GKN2: variants seen among roughly 807,000 people sequenced by gnomAD.
GKN2 encodes the protein gastrokine-2.
A neutral mutation model predicts 22.7 loss-of-function variants in GKN2; 17 were observed. The ratio of observed to expected loss-of-function variants is 0.75; its 90% CI spans 0.51 to 1.13. GKN2 has a LOEUF of 1.13. GKN2 is among the 50% of genes most tolerant of loss of function. The pLI is 0.00. For missense variants in GKN2, 248 were observed against 221.4 expected (o/e 1.12, Z -0.76); for synonymous variants, 82 against 79.6 (o/e 1.03, Z -0.16).
intron 3 of GKN2, among the ~76,000 whole-genome samples, chr2:68,947,928 G>T (rs114494622): frequency 0.011 from 1,725 of 152,110 alleles, 24 homozygotes; most frequent in Non-Finnish European, 0.019. Context: ...CCCCAGTTTG[G>T]GGTAAATAGA....
intron 5 of GKN2, chr2:68,945,871 G>A (rs13426171): frequency 0.077 from 17,448 of 226,634 alleles, 2,134 homozygotes; most frequent in African/African-American, 0.3. Flanking sequence ...CTGTAAGTCC[G>A]CTTGGCCTCC....
intron 2 of GKN2, 57 bp downstream of exon 2, chr2:68,950,645 C>A: frequency 6.7e-7 from 1 of 1,495,932 alleles, no homozygotes; most frequent in South Asian, 1.1e-5. Flanking sequence ...TCTCTTGTAC[C>A]TTCCCTTTCC....
At chr2:68,945,870 C>T (rs77405088) in intron 5 of GKN2, 8,299 of 226,262 alleles carry the variant, frequency 0.037, 532 homozygotes, top group South Asian at 0.22. Flanking sequence ...TCTGTAAGTC[C>T]GCTTGGCCTC....
chr2:68,945,281 G>T lies in GKN2; in HGVS notation c.*87C>A. 1.1e-6 allele frequency: 1 copy of T among 893,930 alleles called. No individual in the cohort carries two copies. Among genetic ancestry groups the T allele is most frequent in the South Asian group, 2.0e-5 (1 of 49,114 alleles). The allele number at this position is 893,930 out of a possible 1,614,324, so 55.4% of individuals were successfully genotyped here. A position where few individuals can be genotyped will look rare whatever the true frequency, so the allele number is the denominator to read the frequency against. ...TCTGACTGAATCTCAAAATTAGTTG[G>T]GGCATTGGGAAAGAATTTAATTTGA... On this transcript the variant is annotated 3_prime_UTR_variant, in exon 6 of 6. Transcript: ENST00000328895.
chr2:68,950,724 C>G lies in GKN2; in HGVS notation c.44G>C (p.Gly15Ala). ...VAFLVVLTIF[G>A]IQSHGYEVFN... ...CACCTCGTATCCATGAGATTGTATC[C>G]CAAAGATGGTCAGCACCACCAGAAA... The change falls in exon 2 of 6, where the codon GGG (glycine) becomes GCG (alanine). Residue 15 changes from glycine (G) to alanine (A), a missense_variant. Physicochemically the swap from Gly to Ala is moderately conservative, Grantham distance 60. Transcript: ENST00000328895. 1 of 1,614,056 alleles carries G rather than the reference C, an allele frequency of 6.2e-7. No homozygotes were observed. The highest frequency in any genetic ancestry group is 8.5e-7 in the Non-Finnish European group (1 of 1,179,978).
chr2:68,945,577 T>G (rs981331954), intron 5 of GKN2, 127 bp from the exon 6 acceptor site: 4 of 654,512 alleles, frequency 6.1e-6, no homozygotes, highest in Non-Finnish European at 1.1e-5. Flanking sequence ...TCAATCCCAG[T>G]GATATTATGC....
chr2:68,951,120 A>G (rs1032338947), intron 1 of GKN2, among the ~76,000 whole-genome samples: 3 of 152,200 alleles, frequency 2.0e-5, no homozygotes, highest in Admixed American at 1.3e-4. Context: ...CTAGCTTTGG[A>G]TAACAGTGGT....
chr2:68,952,867 C>G lies in GKN2; in HGVS notation c.-6G>C. On this transcript the variant is annotated 5_prime_UTR_variant, in exon 1 of 6. Transcript: ENST00000328895. ...ATACTCACAAGTATTTTCATTTTGC[C>G]TGGGAGAGGAAGGTGCTGGAGTAAG... 6.2e-7 allele frequency: 1 copy of G among 1,613,944 alleles called. No homozygotes were observed. Among genetic ancestry groups the G allele is most frequent in the East Asian group, 2.2e-5 (1 of 44,866 alleles).
rs924308605 is a variant in GKN2, at chr2:68,945,464, A to C, written c.473-14T>G. The C allele has an allele frequency of 6.3e-7, 1 of 1,579,312 alleles. No homozygotes were observed. Among genetic ancestry groups the C allele is most frequent in the Non-Finnish European group, 8.7e-7 (1 of 1,153,314 alleles). On this transcript the variant is annotated splice_polypyrimidine_tract_variant and intron_variant, in intron 5 of 5. Transcript: ENST00000328895. Reference sequence around the variant, plus strand: ...CACCGACATTATCTGGAAAAGGGAAAATTTTTCAGAGAAAGAGCATTAAAA... The same window carrying C: ...CACCGACATTATCTGGAAAAGGGAACATTTTTCAGAGAAAGAGCATTAAAA...
chr2:68,951,814 C>T (rs928579666), intron 1 of GKN2, among the ~76,000 whole-genome samples: 4 of 152,198 alleles, frequency 2.6e-5, no homozygotes, highest in Non-Finnish European at 5.9e-5. Flanking sequence ...GACTAAACCA[C>T]TTTAATGGTA....
chr2:68,950,366 T>A, intron 2 of GKN2, 103 bp from the exon 3 acceptor site: 1 of 1,161,236 alleles, frequency 8.6e-7, no homozygotes, highest in Non-Finnish European at 1.2e-6. Flanking sequence ...AACAAGGGAT[T>A]AAAAACTAAA....
rs760634282 is a variant in GKN2, at chr2:68,947,275, C to G, written c.205-18G>C. 3.3e-6 allele frequency: 5 copies of G among 1,502,532 alleles called. No homozygotes were observed. In the East Asian group the frequency reaches 1.1e-4, roughly 34 times the overall value. 93.1% of individuals were successfully genotyped at this position (1,502,532 alleles called of 1,614,324 possible). The stretch of plus-strand genomic sequence containing the variant: ...ATGTAGCCCTGAGGCAGCAAGAGTA[C>G]AGTTACTGTTCCTCCCTAGTTCCCT... On this transcript the variant is annotated intron_variant, in intron 3 of 5. Coordinates refer to ENST00000328895, the MANE Select transcript of GKN2 (RefSeq NM_182536.3).
chr2:68,945,442 C>A lies in GKN2; in HGVS notation c.481G>T (p.Gly161Cys), dbSNP rs531244662. 2 of 1,606,258 alleles carry A rather than the reference C, an allele frequency of 1.2e-6. No individual in the cohort carries two copies. The highest frequency in any genetic ancestry group is 1.1e-5 in the South Asian group (1 of 89,322). Residue 161 changes from glycine (G) to cysteine (C), a missense_variant, in exon 6 of 6, where the codon GGT (glycine) becomes TGT (cysteine). Gly to Cys is a radical substitution (Grantham distance 159). Coordinates refer to ENST00000328895, the MANE Select transcript of GKN2 (RefSeq NM_182536.3). ...GEVVENTHNV[G>C]AGGCAKAGLL... ...CCAGCCTTTGCACAGCCTCCAGCAC[C>A]GACATTATCTGGAAAAGGGAAAATT...
In GKN2 at chr2:68,952,610, A is replaced by G. The variant is rs1293181337; in HGVS notation, c.12+240T>C. ...AACATCCTCCAAATCAAAATTATCT[A>G]GAGATTTCTTTGTATTTTTGAATTT... is the stretch of plus-strand genomic sequence containing the variant. On this transcript the variant is annotated intron_variant, in intron 1 of 5. Transcript: ENST00000328895. 2.0e-5 allele frequency among the ~76,000 whole-genome samples: 3 copies of G among 152,200 alleles called. 1 individual carries two copies. The highest frequency in any genetic ancestry group is 2.0e-4 in the Admixed American group (3 of 15,282).
At chr2:68,946,161 C>T in intron 5 of GKN2, 143 bp downstream of exon 5, 3 of 624,552 alleles carry the variant, frequency 4.8e-6, no homozygotes, top group South Asian at 2.7e-5. Context: ...AATTTACACA[C>T]ATGGCATGTA....
Position 68,947,177 on chromosome 2 carries a change from GT to G in GKN2, c.284del (p.Asn95ThrfsTer32). 6.2e-7 allele frequency: 1 copy of G among 1,613,006 alleles called. No individual in the cohort carries two copies. Among genetic ancestry groups the G allele is most frequent in the Non-Finnish European group, 8.5e-7 (1 of 1,179,016 alleles). The part of the protein sequence containing the change: ...KMDHQNIPPL[N>X]NLQWYIYEKQ... Reference sequence around the variant, plus strand: ...TCTCATAGATGTACCATTGGAGATTGTTCAGAGGAGGGATGTTCTGATGGTC... The same window carrying G: ...TCTCATAGATGTACCATTGGAGATTGTCAGAGGAGGGATGTTCTGATGGTC... On this transcript the variant is annotated frameshift_variant, in exon 4 of 6. Coordinates refer to ENST00000328895, the MANE Select transcript of GKN2 (RefSeq NM_182536.3). LOFTEE classifies it high-confidence loss of function.
At chr2:68,946,203 T>C in intron 5 of GKN2, 101 bp downstream of exon 5, 3 of 993,218 alleles carry the variant, frequency 3.0e-6, no homozygotes, top group Non-Finnish European at 4.5e-6. Flanking sequence ...AACTGAGTAC[T>C]GTTCCCATTT....
At position 68,952,745 on chromosome 2, in the gene GKN2, G is replaced by T. The variant is rs534447594; in HGVS notation, c.12+105C>A. ...TTCAATCACAGAAGCTTAGAAGCAT[G>T]CACAGTATCTGTCTAAGACTCCCAA... On this transcript the variant is annotated intron_variant, in intron 1 of 5. Coordinates refer to ENST00000328895, the MANE Select transcript of GKN2 (RefSeq NM_182536.3). 2.0e-4 allele frequency: 218 copies of T among 1,067,882 alleles called. 1 individual carries two copies. The East Asian group carries it at 3.5e-3, about 17-fold the overall frequency. 66.2% of individuals were successfully genotyped at this position (1,067,882 alleles called of 1,614,324 possible). A position where few individuals can be genotyped will look rare whatever the true frequency, so the allele number is the denominator to read the frequency against.
intron 5 of GKN2, 108 bp downstream of exon 5, chr2:68,946,196 T>C: frequency 1.1e-6 from 1 of 924,466 alleles, no homozygotes; most frequent in Non-Finnish European, 1.6e-6. Context: ...CAAACTGAAC[T>C]GAGTACTGTT....
Sources: allele counts gnomAD v4.1 joint callset (sites outside exome capture counted in the v4.1 genomes callset), GRCh38; gene constraint gnomAD v4.1.1; transcripts MANE v1.5; gene names NCBI Gene and HGNC (gene_info 2026-07-23, HGNC 2026-07-21).